DNMT1: variants seen among roughly 807,000 people sequenced by gnomAD.
The protein encoded by DNMT1 is DNA methyltransferase 1.
A neutral mutation model predicts 205.3 loss-of-function variants in DNMT1; 24 were observed. The observed-to-expected ratio is 0.12, with a 90% CI of 0.08 to 0.16. DNMT1 has a LOEUF of 0.16. Among genes scored for constraint, DNMT1 ranks in the 10% least tolerant of loss-of-function variants. DNMT1 has a pLI of 1.00. For synonymous variants in DNMT1, 817 were observed against 839.8 expected (o/e 0.97, Z 0.47); for missense variants, 1,293 against 2,177.7 (o/e 0.59, Z 8.09).
At chr19:10,171,624 T>A (rs1486646518) in intron 9 of DNMT1, among the ~76,000 whole-genome samples, 12 of 151,988 alleles carry the variant, frequency 7.9e-5, no homozygotes, top group African/African-American at 2.7e-4. Context: ...GCTAACGTGG[T>A]GAAACCCCTT....
At chr19:10,163,522 G>A (rs142708874) in intron 11 of DNMT1, among the ~76,000 whole-genome samples, 162 bp from the exon 12 acceptor site, 148 of 152,230 alleles carry the variant, frequency 9.7e-4, no homozygotes, top group South Asian at 2.3e-3. Flanking sequence ...GGGTAGACAC[G>A]AGGCTTCACT....
chr19:10,139,065 T>C (rs2089551353), intron 34 of DNMT1, among the ~76,000 whole-genome samples: 1 of 152,216 alleles, frequency 6.6e-6, no homozygotes, highest in Non-Finnish European at 1.5e-5. Context: ...GCAGACATCC[T>C]GTGCTAGCAT....
intron 1 of DNMT1, among the ~76,000 whole-genome samples, chr19:10,182,442 CATATATATG>C (rs2039076331): frequency 8.3e-6 from 1 of 120,624 alleles, no homozygotes; most frequent in African/African-American, 3.2e-5. Context: ...TATATATATA[CATATATATG>C]TGTATATATA....
At chr19:10,182,261 G>T (rs1487931992) in intron 1 of DNMT1, among the ~76,000 whole-genome samples, 184 bp from the exon 2 acceptor site, 2 of 151,958 alleles carry the variant, frequency 1.3e-5, no homozygotes, top group Non-Finnish European at 2.9e-5. Flanking sequence ...AATGCCTAAT[G>T]CTAAGAAGTC....
chr19:10,194,071 A>T (rs565670455), intron 1 of DNMT1, among the ~76,000 whole-genome samples: 1 of 152,320 alleles, frequency 6.6e-6, no homozygotes, highest in Admixed American at 6.5e-5. Flanking sequence ...TCTCATTAGC[A>T]AGACTTCCCT....
chr19:10,141,359 C>T, intron 30 of DNMT1, 170 bp from the exon 31 acceptor site: 1 of 675,554 alleles, frequency 1.5e-6, no homozygotes. Flanking sequence ...AAACTTAAAA[C>T]AATCCATTTT....
Position 10,162,722 on chromosome 19 carries a change from T to C in DNMT1, c.953A>G (p.Lys318Arg), listed in dbSNP as rs1231795266. Residue 318 changes from lysine (K) to arginine (R), a missense_variant, in exon 13 of 41, where the codon AAA becomes AGA. By Grantham distance (26) the Lys-to-Arg change is conservative. Around this residue, in one of 13 missense-constraint regions of DNMT1, gnomAD observed 394 missense variants for 451.6 expected, o/e 0.87. Coordinates refer to ENST00000359526, the MANE Select transcript of DNMT1 (RefSeq NM_001130823.3). ...DLAAKRRPEE[K>R]EPEKVNPQIS... ...CTGTGGATTTACTTTTTCAGGTTCTTTTTCTTCGGGCCTCCGTTTGGCAGC... is the reference window on the plus strand; with the variant it reads ...CTGTGGATTTACTTTTTCAGGTTCTCTTTCTTCGGGCCTCCGTTTGGCAGC... 6.2e-7 allele frequency: 1 copy of C among 1,614,124 alleles called. No homozygotes were observed. The highest frequency in any genetic ancestry group is 1.7e-5 in the Admixed American group (1 of 60,012).
In DNMT1 at chr19:10,183,125, A is replaced by ATAT. The variant is rs767124770; in HGVS notation, c.81-1049_81-1048insATA. Among the ~76,000 whole-genome samples the ATAT allele has an allele frequency of 2.0e-4, 23 of 117,486 alleles. No homozygotes were observed. The South Asian group carries it at 4.4e-3, about 23-fold the overall frequency. The allele number at this position is 117,486 out of a possible 152,430, so 77.1% of individuals were successfully genotyped here. A position where few individuals can be genotyped will look rare whatever the true frequency, so the allele number is the denominator to read the frequency against. On this transcript the variant is annotated intron_variant, in intron 1 of 40. Transcript: ENST00000359526. ...TATATACGTGTGTATATATATATAT[A>ATAT]TTTTTTTTTTTTGAGATAGGGTTTT... is the stretch of plus-strand genomic sequence containing the variant.
intron 5 of DNMT1, among the ~76,000 whole-genome samples, chr19:10,179,321 AT>A (rs112064261): frequency 1.4e-3 from 199 of 142,126 alleles, no homozygotes; most frequent in African/African-American, 1.5e-3. Context: ...CGAAAACAAC[AT>A]TTTTTTTTTT....
rs772381854 is a variant in DNMT1, at chr19:10,146,830, G to C, written c.2721-306C>G. On this transcript the variant is annotated intron_variant, in intron 27 of 40. Coordinates refer to ENST00000359526, the MANE Select transcript of DNMT1 (RefSeq NM_001130823.3). This position sits in a 1 kb window ranked among gnomAD's most constrained non-coding sequence, Gnocchi z 4.4. ...AGAACACACCACGAGCAACAGTCCC[G>C]AGTGGCTCAGTGAGGAACTCAATCC... Among the ~76,000 whole-genome samples the C allele has an allele frequency of 6.6e-6, 1 of 152,182 alleles. No homozygotes were observed. Among genetic ancestry groups the C allele is most frequent in the African/African-American group, 2.4e-5 (1 of 41,438 alleles).
chr19:10,146,213 C>T lies in DNMT1; in HGVS notation c.2894+138G>A. On this transcript the variant is annotated intron_variant, in intron 28 of 40. Transcript: ENST00000359526. The surrounding 1 kb of genome is among the most constrained non-coding windows in gnomAD (Gnocchi z 4.4). The stretch of plus-strand genomic sequence containing the variant: ...CTACACGATTTATGTTGTCTGTTTG[C>T]CACCTATGCCAACGTGACGGCTAGG... The T allele has an allele frequency of 1.0e-6, 1 of 1,002,684 alleles. No individual in the cohort carries two copies. Among genetic ancestry groups the T allele is most frequent in the Non-Finnish European group, 1.5e-6 (1 of 687,284 alleles). The allele number at this position is 1,002,684 out of a possible 1,614,324, so 62.1% of individuals were successfully genotyped here. A position where few individuals can be genotyped will look rare whatever the true frequency, so the allele number is the denominator to read the frequency against.
chr19:10,145,751 G>A (rs1025822070), intron 28 of DNMT1, among the ~76,000 whole-genome samples: 2 of 152,244 alleles, frequency 1.3e-5, no homozygotes, highest in African/African-American at 2.4e-5. Context: ...GGGACGGAGA[G>A]GAGGTGTCCT....
intron 1 of DNMT1, chr19:10,194,597 G>A: frequency 1.9e-6 from 1 of 524,818 alleles, no homozygotes; most frequent in South Asian, 2.9e-5. Flanking sequence ...TAGCCACCAG[G>A]GAGCTACGGG....
intron 11 of DNMT1, among the ~76,000 whole-genome samples, chr19:10,163,947 C>T (rs1182196211): frequency 6.6e-6 from 1 of 152,044 alleles, no homozygotes; most frequent in Non-Finnish European, 1.5e-5. Flanking sequence ...GGGCCAACAG[C>T]TCCTAAGGGC....
chr19:10,141,018 C>T (rs1173313004), intron 31 of DNMT1, 87 bp downstream of exon 31: 13 of 1,613,044 alleles, frequency 8.1e-6, no homozygotes, highest in Non-Finnish European at 1.1e-5. Context: ...GTCAGTAACA[C>T]CAGAGGTGGT....
chr19:10,189,007 C>T (rs1430868431), intron 1 of DNMT1, among the ~76,000 whole-genome samples: 1 of 152,206 alleles, frequency 6.6e-6, no homozygotes, highest in Non-Finnish European at 1.5e-5. Flanking sequence ...CCGGTGAAAC[C>T]CACATCAGAT....
Position 10,159,635 on chromosome 19 carries a change from C to T in DNMT1, c.1280+23G>A. The stretch of plus-strand genomic sequence containing the variant: ...GATGTGCCTCCTTCCACGAAGCAAA[C>T]ATGCACACGAAAGTGCACTTACCTG... On this transcript the variant is annotated intron_variant, in intron 17 of 40. Coordinates refer to ENST00000359526, the MANE Select transcript of DNMT1 (RefSeq NM_001130823.3). This position sits in a 1 kb window ranked among gnomAD's most constrained non-coding sequence, Gnocchi z 5.0. The T allele has an allele frequency of 1.2e-5, 19 of 1,611,984 alleles. No homozygotes were observed. Among genetic ancestry groups the T allele is most frequent in the Non-Finnish European group, 1.6e-5 (19 of 1,178,032 alleles).
At chr19:10,183,866 ACT>A (rs2039127391) in intron 1 of DNMT1, among the ~76,000 whole-genome samples, 1 of 151,866 alleles carries the variant, frequency 6.6e-6, no homozygotes, top group East Asian at 1.9e-4. Flanking sequence ...CAAGAGTGAA[ACT>A]CTGTCTCAAA....
intron 7 of DNMT1, among the ~76,000 whole-genome samples, chr19:10,174,733 C>A (rs145236935): frequency 0.015 from 2,261 of 148,468 alleles, 64 homozygotes; most frequent in African/African-American, 0.051. Context: ...ACAACAACAA[C>A]AACAAAAAAA....
Sources: gnomAD v4.1 joint callset for allele counts (sites outside exome capture counted in the v4.1 genomes callset) on GRCh38, gnomAD v4.1.1 for gene constraint, gnomAD v4.1.1 regional missense constraint, Gnocchi (gnomAD v3.1) non-coding constraint, MANE v1.5 for transcripts, NCBI Gene and HGNC (gene_info 2026-07-23, HGNC 2026-07-21) for gene names.